Variants in ITPRID1 observed in about 807,000 individuals in gnomAD.
ITPRID1 encodes protein ITPRID1.
ITPRID1 carries 96 observed loss-of-function variants against 95.4 expected under a neutral mutation model. That is an observed-to-expected ratio of 1.01 (90% CI 0.85 to 1.19). ITPRID1 has a LOEUF of 1.19. Ranked by LOEUF, ITPRID1 falls within the 50% of genes most tolerant of loss-of-function variation. The probability of loss-of-function intolerance (pLI) is 0.00; values close to 1 mark genes in which losing one functional copy is unlikely to be tolerated. For missense variants in ITPRID1, 1,339 were observed against 1,252.9 expected (o/e 1.07, Z -1.04); for synonymous variants, 510 against 453.6 (o/e 1.12, Z -1.58).
Position 31,643,423 on chromosome 7 carries a change from G to C in ITPRID1, c.2053G>C (p.Gly685Arg). ...GGTGAAGTCAAGGTCTGGTACTTTG[G>C]GTCAGATACTACCTGGGACAGAAGC... The part of the protein sequence containing the change: ...AQVKSRSGTL[G>R]QILPGTEAEM... The change falls in exon 12 of 15, where the codon GGT (glycine) becomes CGT (arginine). Residue 685 changes from glycine to arginine, a missense_variant. Gly to Arg is a moderately radical substitution (Grantham distance 125). Coordinates refer to ENST00000615280, the MANE Select transcript of ITPRID1 (RefSeq NM_001257967.3). 1.2e-6 allele frequency: 2 copies of C among 1,613,928 alleles called. No individual in the cohort carries two copies. The highest frequency in any genetic ancestry group is 1.7e-6 in the Non-Finnish European group (2 of 1,179,878).
At position 31,574,421 on chromosome 7, in the gene ITPRID1, T is replaced by G. The variant is rs960231802; in HGVS notation, c.396-119T>G. Reference sequence around the variant, plus strand: ...TAGGAACGCTAGTGCACGCACCGTTTGTCTATTTAGGATCCTCTTTCACTC... The same window carrying G: ...TAGGAACGCTAGTGCACGCACCGTTGGTCTATTTAGGATCCTCTTTCACTC... On this transcript the variant is annotated intron_variant, in intron 7 of 14. Coordinates refer to ENST00000615280, the MANE Select transcript of ITPRID1 (RefSeq NM_001257967.3). 4 of 873,106 alleles carry G rather than the reference T, an allele frequency of 4.6e-6. No individual in the cohort carries two copies. In the African/African-American group the frequency reaches 6.7e-5, roughly 15 times the overall value. 54.1% of individuals were successfully genotyped at this position (873,106 alleles called of 1,614,324 possible).
intron 5 of ITPRID1, among the ~76,000 whole-genome samples, chr7:31,568,576 A>G (rs1784878126): frequency 6.6e-6 from 1 of 152,206 alleles, no homozygotes; most frequent in African/African-American, 2.4e-5. Context: ...GAATTTGCCC[A>G]TATTCTAAGC....
chr7:31,547,615 G>A (rs982117109), intron 1 of ITPRID1, among the ~76,000 whole-genome samples: 2 of 152,086 alleles, frequency 1.3e-5, no homozygotes, highest in African/African-American at 4.8e-5. Flanking sequence ...ATGAGATTGA[G>A]GTGAGGACAC....
intron 10 of ITPRID1, among the ~76,000 whole-genome samples, chr7:31,616,356 T>A (rs1158885270): frequency 6.6e-6 from 1 of 152,194 alleles, no homozygotes; most frequent in African/African-American, 2.4e-5. Context: ...TTGATTTCAA[T>A]AATCAGATTT....
At chr7:31,603,519 C>T (rs1466298768) in intron 10 of ITPRID1, among the ~76,000 whole-genome samples, 2 of 151,986 alleles carry the variant, frequency 1.3e-5, no homozygotes, top group Admixed American at 6.6e-5. Flanking sequence ...TATTCACTCT[C>T]GAATGAAAGG....
rs920828815 is a variant in ITPRID1 at position 31,643,304 on chromosome 7, A to G, written c.1934A>G (p.Lys645Arg). Residue 645 changes from lysine (K) to arginine (R), a missense_variant, in exon 12 of 15, where the codon AAG (lysine) becomes AGG (arginine). Transcript: ENST00000615280. Reference protein sequence around the residue: ...VPESSSQCIPKHSEITPYATD... With the variant: ...VPESSSQCIPRHSEITPYATD... Reference sequence around the variant, plus strand: ...GAAAGCTCATCACAGTGTATCCCCAAGCACAGTGAAATCACACCTTATGCA... The same window carrying G: ...GAAAGCTCATCACAGTGTATCCCCAGGCACAGTGAAATCACACCTTATGCA... The G allele has an allele frequency of 2.5e-6, 4 of 1,613,918 alleles. No individual in the cohort carries two copies. Among genetic ancestry groups the G allele is most frequent in the Admixed American group, 3.3e-5 (2 of 60,026 alleles).
chr7:31,518,768 T>C (rs757813685), intron 1 of ITPRID1, among the ~76,000 whole-genome samples: 2 of 152,236 alleles, frequency 1.3e-5, no homozygotes, highest in African/African-American at 4.8e-5. Context: ...TTAGCCAATC[T>C]CATATGTTCA....
intron 1 of ITPRID1, chr7:31,529,835 C>G: frequency 3.3e-6 from 5 of 1,533,238 alleles, no homozygotes; most frequent in Non-Finnish European, 4.4e-6. Flanking sequence ...TACAGTAACT[C>G]TTATAATTTG....
chr7:31,588,174 C>T (rs1310343009), intron 10 of ITPRID1, among the ~76,000 whole-genome samples: 2 of 152,098 alleles, frequency 1.3e-5, no homozygotes, highest in Non-Finnish European at 2.9e-5. Context: ...ATTTTTAAAA[C>T]TCCTACATAA....
chr7:31,616,654 A>C (rs1223727720), intron 10 of ITPRID1, among the ~76,000 whole-genome samples: 1 of 152,132 alleles, frequency 6.6e-6, no homozygotes, highest in African/African-American at 2.4e-5. Context: ...TCATAAGGTA[A>C]ATTCCCCAGA....
chr7:31,622,926 C>A (rs1377908686), intron 10 of ITPRID1, among the ~76,000 whole-genome samples: 1 of 152,140 alleles, frequency 6.6e-6, no homozygotes, highest in African/African-American at 2.4e-5. Context: ...AAGGGGATAT[C>A]ACCACCAATC....
intron 10 of ITPRID1, among the ~76,000 whole-genome samples, chr7:31,640,514 C>A (rs991896729): frequency 9.2e-5 from 14 of 152,236 alleles, no homozygotes; most frequent in Admixed American, 7.2e-4. Context: ...CTGGGTTCCC[C>A]CTTCTCATGC....
chr7:31,648,764 A>C (rs1345879001), intron 12 of ITPRID1, among the ~76,000 whole-genome samples: 2 of 152,150 alleles, frequency 1.3e-5, no homozygotes, highest in Non-Finnish European at 2.9e-5. Flanking sequence ...TACTAGAACC[A>C]CTCAAACAGC....
At chr7:31,537,106 TG>T (rs1319219511) in intron 1 of ITPRID1, among the ~76,000 whole-genome samples, 1 of 146,446 alleles carries the variant, frequency 6.8e-6, no homozygotes, top group African/African-American at 2.5e-5. Flanking sequence ...TGTGTGTGTG[TG>T]TGTGTGTGTG....
intron 1 of ITPRID1, among the ~76,000 whole-genome samples, chr7:31,522,625 A>C (rs1419591168): frequency 6.6e-6 from 1 of 152,088 alleles, no homozygotes; most frequent in Non-Finnish European, 1.5e-5. Context: ...TGTCATGGAA[A>C]TCTCCTGTTT....
intron 1 of ITPRID1, among the ~76,000 whole-genome samples, chr7:31,523,552 G>A (rs217165): frequency 0.43 from 65,124 of 151,958 alleles, 15,328 homozygotes; most frequent in East Asian, 0.61. Context: ...AATGTTGGAG[G>A]TGGGGCCTGG....
At chr7:31,591,025 G>C (rs1225677175) in intron 10 of ITPRID1, among the ~76,000 whole-genome samples, 2 of 152,142 alleles carry the variant, frequency 1.3e-5, no homozygotes, top group East Asian at 3.9e-4. Context: ...TATGCATCTG[G>C]AAAAGGAGTC....
rs549056966 is a variant in ITPRID1 at position 31,643,840 on chromosome 7, C to T, written c.2470C>T (p.Pro824Ser). The change falls in exon 12 of 15, where the codon CCT (proline) becomes TCT (serine). Residue 824 changes from proline to serine, a missense_variant. By Grantham distance (74) the Pro-to-Ser change is moderately conservative (BLOSUM62 -1). Transcript: ENST00000615280. ...CCACGGGGAGAGGCAAAGCCCTGGC[C>T]CTGAACCCTCAGTCTGTAGGCACTG... ...HCHGERQSPG[P>S]EPSVCRHCLC... 5 of 1,613,932 alleles carry T rather than the reference C, an allele frequency of 3.1e-6. No individual in the cohort carries two copies. In the Admixed American group the frequency reaches 5.0e-5, roughly 16 times the overall value.
At chr7:31,591,066 A>T (rs1030793233) in intron 10 of ITPRID1, among the ~76,000 whole-genome samples, 1 of 152,182 alleles carries the variant, frequency 6.6e-6, no homozygotes, top group Admixed American at 6.5e-5. Context: ...TGGCTCATGC[A>T]TGAGAACATC....
Sources: allele counts gnomAD v4.1 joint callset (sites outside exome capture counted in the v4.1 genomes callset), GRCh38; gene constraint gnomAD v4.1.1; transcripts MANE v1.5; gene names NCBI Gene and HGNC (gene_info 2026-07-23, HGNC 2026-07-21).